The following CDH12 variants were observed in gnomAD, a reference collection of about 807,000 sequenced individuals.
CDH12 encodes the protein cadherin 12.
CDH12 carries 41 observed loss-of-function variants against 74.1 expected under a neutral mutation model. That is an observed-to-expected ratio of 0.55 (90% CI 0.43 to 0.72). CDH12 has a LOEUF of 0.72. Ranked by LOEUF, CDH12 falls within the 30% of genes least tolerant of loss-of-function variation. CDH12 has a pLI of 0.00. For synonymous variants in CDH12, 399 were observed against 355.0 expected (o/e 1.12, Z -1.39); for missense variants, 945 against 977.2 (o/e 0.97, Z 0.44).
chr5:21,877,449 A>T (rs942173297), intron 6 of CDH12, among the ~76,000 whole-genome samples: 7 of 152,160 alleles, frequency 4.6e-5, no homozygotes, highest in African/African-American at 1.7e-4. Flanking sequence ...CAGAACCTAC[A>T]ACAGAGCTTG....
intron 1 of CDH12, among the ~76,000 whole-genome samples, chr5:22,583,816 T>G (rs1362164212): frequency 6.6e-6 from 1 of 152,136 alleles, no homozygotes; most frequent in African/African-American, 2.4e-5. Flanking sequence ...GATAATATAG[T>G]GTCTTCATTG....
chr5:22,722,407 G>A (rs759877322), intron 1 of CDH12, among the ~76,000 whole-genome samples: 4 of 152,164 alleles, frequency 2.6e-5, no homozygotes, highest in Non-Finnish European at 4.4e-5. Context: ...CTACTATATG[G>A]AGCAGGGACT....
intron 5 of CDH12, among the ~76,000 whole-genome samples, chr5:22,027,984 G>A (rs1056258804): frequency 6.6e-6 from 1 of 151,898 alleles, no homozygotes; most frequent in African/African-American, 2.4e-5. Flanking sequence ...ACACTGCTTT[G>A]AATGTGTCCC....
At chr5:22,537,531 G>T (rs1462368095) in intron 1 of CDH12, among the ~76,000 whole-genome samples, 1 of 152,028 alleles carries the variant, frequency 6.6e-6, no homozygotes, top group East Asian at 1.9e-4. Context: ...TCTCCAACCA[G>T]AAACATTCCA....
intron 1 of CDH12, among the ~76,000 whole-genome samples, chr5:22,709,865 T>C (rs1347428389): frequency 6.6e-6 from 1 of 152,204 alleles, no homozygotes; most frequent in Non-Finnish European, 1.5e-5. Context: ...CTTTTCCTTC[T>C]AGACAGCCAC....
chr5:22,304,461 C>T (rs913848543), intron 3 of CDH12, among the ~76,000 whole-genome samples: 3 of 152,116 alleles, frequency 2.0e-5, no homozygotes, highest in African/African-American at 7.2e-5. Context: ...ATATTATTTT[C>T]TTGGCACAAA....
intron 8 of CDH12, among the ~76,000 whole-genome samples, chr5:21,838,883 A>G (rs1749686430): frequency 6.6e-6 from 1 of 152,076 alleles, no homozygotes; most frequent in Non-Finnish European, 1.5e-5. Flanking sequence ...CTTCATCCAT[A>G]CCCACATGGA....
At chr5:22,786,979 A>G (rs761221074) in intron 1 of CDH12, among the ~76,000 whole-genome samples, 6 of 151,998 alleles carry the variant, frequency 3.9e-5, no homozygotes, top group South Asian at 2.1e-4. Context: ...CTCAGCAAAA[A>G]TTCAGCCCTC....
At chr5:22,458,422 G>A (rs1003270797) in intron 2 of CDH12, among the ~76,000 whole-genome samples, 2 of 152,036 alleles carry the variant, frequency 1.3e-5, no homozygotes, top group African/African-American at 4.8e-5. Context: ...ATATTCATAG[G>A]TACCAGAGCT....
intron 3 of CDH12, among the ~76,000 whole-genome samples, chr5:22,354,011 T>G (rs1412949594): frequency 6.6e-6 from 1 of 152,112 alleles, no homozygotes; most frequent in Non-Finnish European, 1.5e-5. Context: ...GAGAGACCAG[T>G]AATGAAGTCC....
intron 1 of CDH12, among the ~76,000 whole-genome samples, chr5:22,577,518 A>G (rs2126776773): frequency 6.6e-6 from 1 of 152,306 alleles, no homozygotes; most frequent in Non-Finnish European, 1.5e-5. Flanking sequence ...AACTTCCTAC[A>G]TCATAGAAAT....
chr5:22,229,763 G>A (rs1262577702), intron 3 of CDH12, among the ~76,000 whole-genome samples: 1 of 151,902 alleles, frequency 6.6e-6, no homozygotes, highest in East Asian at 1.9e-4. Flanking sequence ...TGTTCCATCT[G>A]CAGTTTCTCC....
chr5:22,813,612 G>T (rs116161720), intron 1 of CDH12, among the ~76,000 whole-genome samples: 73 of 152,012 alleles, frequency 4.8e-4, no homozygotes, highest in African/African-American at 1.7e-3. Flanking sequence ...ACATACAATT[G>T]TAAGCAATAT....
chr5:22,809,092 A>C (rs1322316886), intron 1 of CDH12, among the ~76,000 whole-genome samples: 6 of 152,084 alleles, frequency 3.9e-5, no homozygotes, highest in African/African-American at 1.4e-4. Context: ...GAAGGCAAAA[A>C]AAAAAACTGT....
At chr5:21,872,894 C>CATCTGTCTATCTATCTATCT (rs1554039682) in intron 6 of CDH12, among the ~76,000 whole-genome samples, 3 of 146,750 alleles carry the variant, frequency 2.0e-5, no homozygotes, top group African/African-American at 7.6e-5. Context: ...ACCTATCATC[C>CATCTGTCTATCTATCTATCT]ATCTATCTAT....
At chr5:22,741,804 G>A (rs1473415317) in intron 1 of CDH12, among the ~76,000 whole-genome samples, 1 of 152,148 alleles carries the variant, frequency 6.6e-6, no homozygotes, top group Non-Finnish European at 1.5e-5. Flanking sequence ...ACCACCATTT[G>A]GGTTGGAATA....
At chr5:22,448,943 C>A (rs994298433) in intron 2 of CDH12, among the ~76,000 whole-genome samples, 1 of 151,640 alleles carries the variant, frequency 6.6e-6, no homozygotes, top group African/African-American at 2.4e-5. Context: ...AGTGTCACAA[C>A]AAGAATCCTT....
At chr5:22,829,330 A>G (rs1736473934) in intron 1 of CDH12, among the ~76,000 whole-genome samples, 1 of 152,176 alleles carries the variant, frequency 6.6e-6, no homozygotes, top group South Asian at 2.1e-4. Flanking sequence ...TATCTCATAT[A>G]CTTTACAATA....
At chr5:22,323,051 C>T (rs920315767) in intron 3 of CDH12, among the ~76,000 whole-genome samples, 6 of 152,040 alleles carry the variant, frequency 3.9e-5, no homozygotes, top group African/African-American at 1.4e-4. Flanking sequence ...CAGTTTTAGG[C>T]AAGAGAAAAT....
Sources: gnomAD v4.1 joint callset for allele counts (sites outside exome capture counted in the v4.1 genomes callset) on GRCh38, gnomAD v4.1.1 for gene constraint, MANE v1.5 for transcripts, NCBI Gene and HGNC (gene_info 2026-07-23, HGNC 2026-07-21) for gene names.